Variants in TBC1D28 observed in about 807,000 individuals in gnomAD.
TBC1D28 encodes the protein TBC1 domain family, member 28.
Under a neutral mutation model 29.2 loss-of-function variants are expected in TBC1D28, and 20 were observed. That is an observed-to-expected ratio of 0.68 (90% confidence interval 0.48 to 0.99). The LOEUF (loss-of-function observed/expected upper bound fraction) is 0.99, where lower values mean the gene tolerates loss of function less well. Ranked by LOEUF, TBC1D28 falls within the 50% of genes least tolerant of loss-of-function variation. The pLI is 0.00. For missense variants in TBC1D28, 205 were observed against 243.7 expected, an observed-to-expected ratio of 0.84 and a Z score of 1.06; for synonymous variants, 65 against 90.9, an observed-to-expected ratio of 0.71 and a Z score of 1.62.
At chr17:18,641,604 C>G (rs897449756) in intron 2 of TBC1D28, 28 bp downstream of exon 3, 1 of 563,484 alleles carries the variant, frequency 1.8e-6, no homozygotes, top group Non-Finnish European at 3.2e-6. Flanking sequence ...GGCCTATTGT[C>G]CCCGAACACC....
At chr17:18,638,418 C>T in exon 7 of TBC1D28, 3 of 1,614,180 alleles carry the variant, frequency 1.9e-6, no homozygotes, top group Non-Finnish European at 2.5e-6. Flanking sequence ...CTCTTTGAGA[C>T]AGCTACAGAC....
chr17:18,640,185 G>A (rs2031698148), intron 4 of TBC1D28, among the ~76,000 whole-genome samples: 1 of 152,092 alleles, frequency 6.6e-6, no homozygotes, highest in African/African-American at 2.4e-5. Context: ...ATCTCTGGAG[G>A]GCCATGCAGA....
At chr17:18,637,088 G>A (rs1382513611) in intron 8 of TBC1D28, among the ~76,000 whole-genome samples, 1 of 128,534 alleles carries the variant, frequency 7.8e-6, no homozygotes, top group African/African-American at 3.3e-5. Flanking sequence ...CAATGAATTG[G>A]AATCCCATGG....
chr17:18,634,728 C>G (rs1236083071), downstream of TBC1D28, among the ~76,000 whole-genome samples: 1 of 152,256 alleles, frequency 6.6e-6, no homozygotes, highest in Non-Finnish European at 1.5e-5. Context: ...AGAAAGCAGC[C>G]CGAGGGATTC....
chr17:18,636,413 G>A (rs751585826), exon 9 of TBC1D28: 3 of 1,600,102 alleles, frequency 1.9e-6, no homozygotes, highest in South Asian at 1.1e-5. Context: ...TCTGCCAGCA[G>A]CGAGCTGAAG....
chr17:18,637,880 G>A lies in TBC1D28; in HGVS notation c.481C>T (p.Gln161Ter), dbSNP rs377075494. The change falls in exon 8 of 9, where the codon CAA (glutamine) becomes TAA (stop). Residue 161 changes from glutamine to a stop codon, truncating the protein, a stop_gained. Transcript: ENST00000345096. LOFTEE classifies it high-confidence loss of function. ...TGGCCTTACTTGACTCCGAATCTTT[G>A]TATGAACATCATGTGTTTCTGCAGG... 5.6e-6 allele frequency: 9 copies of A among 1,613,652 alleles called. No individual in the cohort carries two copies. Among genetic ancestry groups the A allele is most frequent in the East Asian group, 2.2e-5 (1 of 44,850 alleles).
chr17:18,636,986 T>C (rs1597480127), intron 8 of TBC1D28, among the ~76,000 whole-genome samples: 1 of 87,712 alleles, frequency 1.1e-5, no homozygotes, highest in Non-Finnish European at 2.0e-5. Flanking sequence ...CCCTAGCATG[T>C]CCCCTTTGCA....
At chr17:18,643,053 C>A (rs1195947544), upstream of TBC1D28, 1 of 152,256 alleles carries the variant, frequency 6.6e-6, no homozygotes, top group East Asian at 1.9e-4. Flanking sequence ...CCAGGGCTGG[C>A]TGTCCCACTT....
intron 3 of TBC1D28, 73 bp from the exon 5 acceptor site, chr17:18,641,177 C>T (rs2031745492): frequency 8.5e-7 from 1 of 1,181,146 alleles, no homozygotes; most frequent in Non-Finnish European, 1.2e-6. Context: ...GTGGGCAGCC[C>T]CTCCCCACCC....
chr17:18,636,506 A>G (rs1227777316), exon 9 of TBC1D28: 1 of 1,614,134 alleles, frequency 6.2e-7, no homozygotes, highest in South Asian at 1.1e-5. Flanking sequence ...GCCTGTGAAT[A>G]TGGGCACAGG....
At chr17:18,641,089 C>A (rs1412334744) in exon 4 of TBC1D28, 4 of 677,576 alleles carry the variant, frequency 5.9e-6, no homozygotes, top group South Asian at 5.8e-5. Flanking sequence ...TCCACTGCTG[C>A]CCCAGCTCGG....
downstream of TBC1D28, among the ~76,000 whole-genome samples, chr17:18,634,846 A>T (rs1316968737): frequency 3.8e-5 from 5 of 133,328 alleles, no homozygotes; most frequent in African/African-American, 1.4e-4. Context: ...CAGCCTCCTC[A>T]GCCCCTCAGC....
downstream of TBC1D28, among the ~76,000 whole-genome samples, chr17:18,634,752 G>A (rs559367107): frequency 6.6e-6 from 1 of 152,392 alleles, no homozygotes; most frequent in African/African-American, 2.4e-5. Context: ...CACGTGACGT[G>A]CGGTGGACCC....
intron 7 of TBC1D28, 87 bp from the exon 9 acceptor site, chr17:18,638,060 C>T (rs1282044675): frequency 5.8e-6 from 9 of 1,550,002 alleles, no homozygotes; most frequent in Non-Finnish European, 8.0e-6. Context: ...ACAGTCAGCA[C>T]TTCTGGAAGG....
chr17:18,635,501 T>C (rs2031453563), exon 9 of TBC1D28: 1 of 783,100 alleles, frequency 1.3e-6, no homozygotes, highest in African/African-American at 1.9e-5. Flanking sequence ...GGGCACCGCG[T>C]GCTTTCCATG....
upstream of TBC1D28, chr17:18,644,240 A>G (rs1179068008): frequency 6.6e-6 from 1 of 151,820 alleles, no homozygotes; most frequent in Non-Finnish European, 1.5e-5. Flanking sequence ...CCCACCAGGT[A>G]ATGACTGTAC....
downstream of TBC1D28, among the ~76,000 whole-genome samples, chr17:18,634,799 CCCTCA>C (rs2151710377): frequency 6.6e-6 from 1 of 151,426 alleles, no homozygotes; most frequent in South Asian, 2.1e-4. Context: ...GCCCCTCAGC[CCCTCA>C]GCCCCTCAGC....
At chr17:18,638,047 C>T (rs1339171164) in intron 7 of TBC1D28, 74 bp from the exon 9 acceptor site, 2 of 1,529,836 alleles carry the variant, frequency 1.3e-6, no homozygotes, top group Non-Finnish European at 1.8e-6. Flanking sequence ...CGGCAGTCAT[C>T]CCACAGTCAG....
At chr17:18,640,738 C>T (rs2031723978) in intron 4 of TBC1D28, among the ~76,000 whole-genome samples, 1 of 110,858 alleles carries the variant, frequency 9.0e-6, no homozygotes, top group African/African-American at 3.9e-5. Flanking sequence ...GCTGCCCCTC[C>T]TCTCCAGCTT....
Sources: gnomAD v4.1 joint callset for allele counts (sites outside exome capture counted in the v4.1 genomes callset) on GRCh38, gnomAD v4.1.1 for gene constraint, MANE v1.5 for transcripts, NCBI Gene and HGNC (gene_info 2026-07-23, HGNC 2026-07-21) for gene names.